The following ZNF454 variants were observed in gnomAD, a reference collection of about 807,000 sequenced individuals.
The protein encoded by ZNF454 is zinc finger protein 454.
A neutral mutation model predicts 48.2 loss-of-function variants in ZNF454; 30 were observed. The observed-to-expected ratio is 0.62, with a 90% confidence interval of 0.47 to 0.84. The LOEUF is 0.84. Ranked by LOEUF, ZNF454 falls within the 40% of genes least tolerant of loss-of-function variation. ZNF454 has a pLI of 0.00. For synonymous variants in ZNF454, 204 were observed against 211.4 expected, an observed-to-expected ratio of 0.97 and a Z score of 0.30; for missense variants, 510 against 623.1, an observed-to-expected ratio of 0.82 and a Z score of 1.93.
At chr5:178,987,234 G>GTA in the ZNF454 span, 2 of 647,016 alleles carry the variant, frequency 3.1e-6, no homozygotes, top group East Asian at 6.2e-5. Flanking sequence ...GGTGGGAAAA[G>GTA]GCTGCAGCCG....
At chr5:178,970,695 C>A (rs913192572), downstream of ZNF454, among the ~76,000 whole-genome samples, 5 of 152,090 alleles carry the variant, frequency 3.3e-5, no homozygotes, top group African/African-American at 1.2e-4. Flanking sequence ...CTCCTGACCT[C>A]GTGATCCACT....
the ZNF454 span, among the ~76,000 whole-genome samples, chr5:178,974,039 T>C: frequency 6.6e-6 from 1 of 152,100 alleles, no homozygotes; most frequent in Non-Finnish European, 1.5e-5. Context: ...GATGATGTCA[T>C]GACTAAACAG....
chr5:178,985,621 T>A, the ZNF454 span: 3 of 360,232 alleles, frequency 8.3e-6, no homozygotes, highest in Non-Finnish European at 1.1e-5. Flanking sequence ...GAGAATGGCG[T>A]GAACCCGGAA....
intron 4 of ZNF454, among the ~76,000 whole-genome samples, chr5:178,947,313 G>T (rs1759379638): frequency 6.6e-6 from 1 of 152,204 alleles, no homozygotes; most frequent in Admixed American, 6.5e-5. Context: ...GCATCTGACA[G>T]TGCAGTCTCT....
chr5:178,964,166 G>T (rs1387230691), intron 4 of ZNF454, among the ~76,000 whole-genome samples: 2 of 151,246 alleles, frequency 1.3e-5, no homozygotes, highest in African/African-American at 4.8e-5. Context: ...TGTCACCCAG[G>T]CTGGAATGCA....
chr5:178,987,653 G>C, the ZNF454 span, among the ~76,000 whole-genome samples: 1 of 152,182 alleles, frequency 6.6e-6, no homozygotes, highest in Non-Finnish European at 1.5e-5. Flanking sequence ...AGGTGCTGGC[G>C]GGAGGAGGGG....
chr5:178,966,593 T>A (rs1760164716), downstream of ZNF454, among the ~76,000 whole-genome samples: 1 of 152,180 alleles, frequency 6.6e-6, no homozygotes, highest in Non-Finnish European at 1.5e-5. Flanking sequence ...ACATTTTGAC[T>A]ATTAGAGAAA....
At chr5:178,963,646 C>T (rs752901022) in intron 4 of ZNF454, among the ~76,000 whole-genome samples, 9 of 151,712 alleles carry the variant, frequency 5.9e-5, no homozygotes, top group Non-Finnish European at 1.2e-4. Context: ...GCCGGCAGTG[C>T]TTGCAGCTGC....
At position 178,965,808 on chromosome 5, in the gene ZNF454, C is replaced by T. The variant is rs1157152283; in HGVS notation, c.1404C>T (p.Tyr468=). 30 of 1,613,948 alleles carry T rather than the reference C, an allele frequency of 1.9e-5. No individual in the cohort carries two copies. The highest frequency in any genetic ancestry group is 2.5e-5 in the Non-Finnish European group (29 of 1,180,038). The change falls in exon 5 of 5, where the codon TAC becomes TAT. Residue 468 remains tyrosine, a synonymous_variant. Coordinates refer to ENST00000519564, the MANE Select transcript of ZNF454 (RefSeq NM_001178089.3). This position sits in a 1 kb window ranked among gnomAD's most constrained non-coding sequence, Gnocchi z 5.2. ...HKRIHTREKP[Y]KCKICEKAFI... ...GAATTCATACTAGGGAAAAACCTTA[C>T]AAATGTAAAATCTGTGAGAAAGCCT...
chr5:178,949,318 CT>C (rs1759467563), intron 4 of ZNF454, among the ~76,000 whole-genome samples: 2 of 152,208 alleles, frequency 1.3e-5, no homozygotes, highest in Admixed American at 1.3e-4. Flanking sequence ...TCCCAAAGTG[CT>C]GGGATTACAG....
At chr5:178,985,569 G>A in the ZNF454 span, 126 of 339,862 alleles carry the variant, frequency 3.7e-4, no homozygotes, top group African/African-American at 8.1e-4. Flanking sequence ...CGGGCGTGGT[G>A]GCGGGCGCCT....
chr5:178,960,493 A>G (rs181865236), intron 4 of ZNF454, among the ~76,000 whole-genome samples: 8 of 150,122 alleles, frequency 5.3e-5, no homozygotes, highest in Non-Finnish European at 7.4e-5. Context: ...ACCTCAGGTG[A>G]TCCACCCGCC....
chr5:178,975,843 T>C, the ZNF454 span: 19 of 309,808 alleles, frequency 6.1e-5, no homozygotes, highest in Admixed American at 2.4e-4. Context: ...GTAAAGGAGA[T>C]TTACCCCCAA....
chr5:178,946,786 C>A lies in ZNF454; in HGVS notation c.161-111C>A, dbSNP rs1476615159. 5.9e-6 allele frequency: 6 copies of A among 1,019,476 alleles called. No homozygotes were observed. Among genetic ancestry groups the A allele is most frequent in the Non-Finnish European group, 8.9e-6 (6 of 671,114 alleles). 63.2% of individuals were successfully genotyped at this position (1,019,476 alleles called of 1,614,324 possible). On this transcript the variant is annotated intron_variant, in intron 3 of 4. Coordinates refer to ENST00000519564, the MANE Select transcript of ZNF454 (RefSeq NM_001178089.3). The surrounding 1 kb of genome is among the most constrained non-coding windows in gnomAD (Gnocchi z 4.5). ...GGAACACACCTGACCCTGGGCTTTC[C>A]TATCAAGTCCCATTTCCCAGCAAGC...
Position 178,961,423 on chromosome 5 carries a change from T to G in ZNF454, c.251-3232T>G, listed in dbSNP as rs554895993. On this transcript the variant is annotated intron_variant, in intron 4 of 4. Transcript: ENST00000519564. ...TAGCTTGTTAATTAACCTTCTTTACTTAGTCTTTTATTGTTAATAAATAAA... is the reference window on the plus strand; with the variant it reads ...TAGCTTGTTAATTAACCTTCTTTACGTAGTCTTTTATTGTTAATAAATAAA... Among the ~76,000 whole-genome samples the G allele has an allele frequency of 2.6e-5, 4 of 151,900 alleles. No homozygotes were observed. The East Asian group carries it at 8.0e-4, about 30-fold the overall frequency.
chr5:178,960,181 A>G (rs533393689), intron 4 of ZNF454, among the ~76,000 whole-genome samples: 33 of 149,328 alleles, frequency 2.2e-4, no homozygotes, highest in African/African-American at 8.1e-4. Flanking sequence ...GGACTCCTAG[A>G]CTCAAGCGGT....
rs1759226955 is a variant in ZNF454, at chr5:178,944,230, G to A, written c.33+1406G>A. Among the ~76,000 whole-genome samples, 1 of 152,130 alleles carries A rather than the reference G, an allele frequency of 6.6e-6. No individual in the cohort carries two copies. The highest frequency in any genetic ancestry group is 6.6e-5 in the Admixed American group (1 of 15,258). On this transcript the variant is annotated intron_variant, in intron 2 of 4. Coordinates refer to ENST00000519564, the MANE Select transcript of ZNF454 (RefSeq NM_001178089.3). This position sits in a 1 kb window ranked among gnomAD's most constrained non-coding sequence, Gnocchi z 4.1. ...CATGTTCAACATAGCACAGCTCACC[G>A]GCTGTTCCCCTCCTCCTCTTGGCTT...
At chr5:178,945,714 T>G (rs909684316) in intron 2 of ZNF454, among the ~76,000 whole-genome samples, 2 of 150,730 alleles carry the variant, frequency 1.3e-5, no homozygotes, top group Non-Finnish European at 3.0e-5. Context: ...TGGGTATGGG[T>G]GTGTGTGTGT....
chr5:178,943,474 GC>G (rs1276318301), intron 2 of ZNF454, among the ~76,000 whole-genome samples: 1 of 151,950 alleles, frequency 6.6e-6, no homozygotes, highest in South Asian at 2.1e-4. Flanking sequence ...CTCCCACCAG[GC>G]CCCCCCTCCA....
Sources: allele counts gnomAD v4.1 joint callset (sites outside exome capture counted in the v4.1 genomes callset), GRCh38; gene constraint gnomAD v4.1.1; non-coding constraint Gnocchi (gnomAD v3.1); transcripts MANE v1.5; gene names NCBI Gene and HGNC (gene_info 2026-07-23, HGNC 2026-07-21).